The following COX15 variants were observed in gnomAD, a reference collection of about 807,000 sequenced individuals.
COX15 encodes heme A synthase COX15.
In COX15, 51 loss-of-function variants were observed where a neutral mutation model predicts 51.9. The observed-to-expected ratio is 0.98, with a 90% confidence interval of 0.78 to 1.24. The LOEUF (loss-of-function observed/expected upper bound fraction) is 1.24. COX15 is among the 50% of genes most tolerant of loss of function. COX15 has a pLI of 0.00. For missense variants in COX15, 420 were observed against 501.1 expected, an observed-to-expected ratio of 0.84 and a Z score of 1.55; for synonymous variants, 188 against 190.5, an observed-to-expected ratio of 0.99 and a Z score of 0.11.
At chr10:99,709,981 TGC>T (rs2036332868), downstream of COX15, 1 of 985,326 alleles carries the variant, frequency 1.0e-6, no homozygotes, top group Non-Finnish European at 1.2e-6. Flanking sequence ...AATCCATCAT[TGC>T]TTGCCATTTT....
chr10:99,698,671 G>C, the COX15 span: 1 of 1,614,154 alleles, frequency 6.2e-7, no homozygotes, highest in Non-Finnish European at 8.5e-7. Context: ...GTGTCTTGTG[G>C]GGCAATGCTG....
At position 99,724,143 on chromosome 10, in the gene COX15, A is replaced by T; in HGVS notation, c.583-20T>A. ...CAGACCCTAGAACCCCCAAGAGATG[A>T]AGCAAACAAAACAAGGTTAAAATGA... On this transcript the variant is annotated intron_variant, in intron 4 of 8. Coordinates refer to ENST00000016171, the MANE Select transcript of COX15 (RefSeq NM_078470.6). 6.2e-7 allele frequency: 1 copy of T among 1,613,790 alleles called. No homozygotes were observed. The highest frequency in any genetic ancestry group is 8.5e-7 in the Non-Finnish European group (1 of 1,179,878).
the COX15 span, chr10:99,702,595 C>T: frequency 6.2e-7 from 1 of 1,613,700 alleles, no homozygotes; most frequent in African/African-American, 1.3e-5. Context: ...AACCTGCGGA[C>T]AGCCCAGCTG....
rs188768299 is a variant in COX15 at position 99,720,352 on chromosome 10, C to T, written c.832+635G>A. On this transcript the variant is annotated intron_variant, in intron 6 of 8. Coordinates refer to ENST00000016171, the MANE Select transcript of COX15 (RefSeq NM_078470.6). ...CTTAGCTACTCGGGAGGCTGAGGCA[C>T]GAGAATCGCTTGGATTTAGGGAGGC... 2.2e-4 allele frequency among the ~76,000 whole-genome samples: 33 copies of T among 152,086 alleles called. No homozygotes were observed. The East Asian group carries it at 6.2e-3, about 29-fold the overall frequency.
At chr10:99,696,200 C>A in the COX15 span, 1 of 1,518,748 alleles carries the variant, frequency 6.6e-7, no homozygotes, top group Non-Finnish European at 8.9e-7. Flanking sequence ...TCACATCCTC[C>A]TAAGACAGAT....
At chr10:99,703,369 G>A in the COX15 span, among the ~76,000 whole-genome samples, 1 of 152,248 alleles carries the variant, frequency 6.6e-6, no homozygotes, top group Non-Finnish European at 1.5e-5. Context: ...TGGGCTAGGT[G>A]GGGGTTGCCC....
At chr10:99,714,874 A>G (rs1255896179) in intron 8 of COX15, among the ~76,000 whole-genome samples, 156 bp from the exon 9 acceptor site, 1 of 152,242 alleles carries the variant, frequency 6.6e-6, no homozygotes, top group Non-Finnish European at 1.5e-5. Context: ...TATGCTTACA[A>G]TGAAAGAAAT....
At chr10:99,719,943 T>G (rs777992467) in intron 6 of COX15, among the ~76,000 whole-genome samples, 3 of 152,244 alleles carry the variant, frequency 2.0e-5, no homozygotes, top group Non-Finnish European at 2.9e-5. Flanking sequence ...AGTGGAAGTA[T>G]TCTATATTTG....
the COX15 span, among the ~76,000 whole-genome samples, chr10:99,701,583 C>T: frequency 1.7e-4 from 26 of 151,488 alleles, no homozygotes; most frequent in Admixed American, 1.1e-3. Context: ...CCACCGGGCC[C>T]GGCCAAAAGT....
At chr10:99,721,898 T>A (rs1382057400) in intron 5 of COX15, among the ~76,000 whole-genome samples, 1 of 152,248 alleles carries the variant, frequency 6.6e-6, no homozygotes, top group South Asian at 2.1e-4. Context: ...TTTTCTCACT[T>A]TGTCGCCCAG....
downstream of COX15, among the ~76,000 whole-genome samples, chr10:99,707,969 A>G (rs886480115): frequency 2.6e-5 from 4 of 152,192 alleles, no homozygotes; most frequent in African/African-American, 9.6e-5. Context: ...ATATTGAGTG[A>G]TGCTGAGGTT....
chr10:99,726,887 CAAAAAA>C, intron 4 of COX15, 75 bp downstream of exon 4: 12 of 933,632 alleles, frequency 1.3e-5, no homozygotes, highest in Non-Finnish European at 1.7e-5. Context: ...GACTCCGTCT[CAAAAAA>C]AAAAAAAAAA....
Position 99,714,474 on chromosome 10 carries a change from A to G in COX15, c.*113T>C. 2 of 1,578,248 alleles carry G rather than the reference A, an allele frequency of 1.3e-6. No individual in the cohort carries two copies. Among genetic ancestry groups the G allele is most frequent in the Non-Finnish European group, 1.7e-6 (2 of 1,165,226 alleles). Reference sequence around the variant, plus strand: ...GAAAAGATTTTTAAGTAAGTTGACCATTTGGAAACCACTTGGTATGTCAAG... The same window carrying G: ...GAAAAGATTTTTAAGTAAGTTGACCGTTTGGAAACCACTTGGTATGTCAAG... On this transcript the variant is annotated 3_prime_UTR_variant, in exon 9 of 9. Coordinates refer to ENST00000016171, the MANE Select transcript of COX15 (RefSeq NM_078470.6).
chr10:99,695,949 A>G, the COX15 span: 7 of 1,611,760 alleles, frequency 4.3e-6, no homozygotes, highest in East Asian at 6.7e-5. Context: ...TTGGTATTGT[A>G]TTATAGGAAG....
chr10:99,709,208 A>C (rs2036311109), downstream of COX15: 1 of 985,334 alleles, frequency 1.0e-6, no homozygotes, highest in Non-Finnish European at 1.2e-6. Flanking sequence ...ACTTCGTTGT[A>C]ATTCTTGGGC....
At chr10:99,715,347 C>T (rs1003115934) in intron 8 of COX15, among the ~76,000 whole-genome samples, 1 of 152,150 alleles carries the variant, frequency 6.6e-6, no homozygotes, top group African/African-American at 2.4e-5. Flanking sequence ...TCATGTTGGC[C>T]AGGCTGGTCT....
At chr10:99,725,274 A>G (rs1395329635) in intron 4 of COX15, among the ~76,000 whole-genome samples, 1 of 152,170 alleles carries the variant, frequency 6.6e-6, no homozygotes, top group Non-Finnish European at 1.5e-5. Context: ...CCCTTTCAAG[A>G]TTACCCTGGA....
At chr10:99,723,316 A>G (rs2036840550) in intron 5 of COX15, among the ~76,000 whole-genome samples, 1 of 151,794 alleles carries the variant, frequency 6.6e-6, no homozygotes, top group Non-Finnish European at 1.5e-5. Context: ...CTAATTTTAT[A>G]TTTTTAGTAG....
chr10:99,701,904 A>G, the COX15 span, among the ~76,000 whole-genome samples: 2 of 151,718 alleles, frequency 1.3e-5, no homozygotes, highest in African/African-American at 2.4e-5. Flanking sequence ...AAAAATTAGC[A>G]GGGTTTGGTG....
Sources: allele counts gnomAD v4.1 joint callset (sites outside exome capture counted in the v4.1 genomes callset), GRCh38; gene constraint gnomAD v4.1.1; transcripts MANE v1.5; gene names NCBI Gene and HGNC (gene_info 2026-07-23, HGNC 2026-07-21).